The following HBP1 variants were observed in gnomAD, a reference collection of about 807,000 sequenced individuals.
HBP1 encodes HMG-box transcription factor 1.
Under a neutral mutation model 62.6 loss-of-function variants are expected in HBP1, and 20 were observed. The ratio of observed to expected loss-of-function variants is 0.32; its 90% CI spans 0.22 to 0.46. HBP1 has a LOEUF of 0.46. Among genes scored for constraint, HBP1 ranks in the 20% least tolerant of loss-of-function variants. The pLI is 1.00. For missense variants in HBP1, 480 were observed against 611.8 expected (o/e 0.78, Z 2.27); for synonymous variants, 232 against 206.2 (o/e 1.12, Z -1.07).
chr7:107,177,487 C>T (rs189911048), intron 1 of HBP1, among the ~76,000 whole-genome samples: 4 of 152,236 alleles, frequency 2.6e-5, no homozygotes, highest in East Asian at 1.9e-4. Context: ...GTGTCAAGAA[C>T]GCTGTATCTA....
At chr7:107,197,597 T>C (rs1797984007) in intron 9 of HBP1, among the ~76,000 whole-genome samples, 3 of 152,210 alleles carry the variant, frequency 2.0e-5, no homozygotes, top group Admixed American at 6.5e-5. Flanking sequence ...CTCAAACTCC[T>C]GAGCTCAAGT....
Position 107,182,532 on chromosome 7 carries a change from G to C in HBP1, c.329G>C (p.Trp110Ser), listed in dbSNP as rs1797159583. Residue 110 changes from tryptophan to serine, a missense_variant, in exon 3 of 11, where the codon TGG (tryptophan) becomes TCG (serine). Trp to Ser is a radical substitution (Grantham distance 177). Around this residue, in one of 4 missense-constraint regions of HBP1, gnomAD observed 304 missense variants for 330.9 expected, o/e 0.92. Transcript: ENST00000222574. ...ETTYRENEVD[W>S]LTELANIATS... The stretch of plus-strand genomic sequence containing the variant: ...ACTTACCGTGAAAATGAGGTGGACT[G>C]GCTAACAGAATTGGCAAATATCGCG... The C allele has an allele frequency of 6.2e-7, 1 of 1,613,626 alleles. No homozygotes were observed. Among genetic ancestry groups the C allele is most frequent in the Non-Finnish European group, 8.5e-7 (1 of 1,179,678 alleles).
intron 3 of HBP1, among the ~76,000 whole-genome samples, chr7:107,183,836 C>G (rs1422219130): frequency 6.6e-6 from 1 of 152,166 alleles, no homozygotes; most frequent in Non-Finnish European, 1.5e-5. Flanking sequence ...GAGTAATGCT[C>G]TGTTGTCTGG....
At chr7:107,201,389 ACT>A (rs1268395186) in intron 10 of HBP1, 23 bp from the exon 11 acceptor site, 1 of 1,495,620 alleles carries the variant, frequency 6.7e-7, no homozygotes, top group Non-Finnish European at 9.3e-7. Flanking sequence ...GTAAACATTC[ACT>A]GAGTTTAATT....
At chr7:107,194,134 C>G (rs1310060290) in intron 8 of HBP1, among the ~76,000 whole-genome samples, 1 of 152,138 alleles carries the variant, frequency 6.6e-6, no homozygotes, top group South Asian at 2.1e-4. Context: ...TTTAAAGATA[C>G]TCTATGTCAT....
In HBP1 at chr7:107,186,675, TCAC is replaced by T. The variant is rs1797391141; in HGVS notation, c.760_762del (p.His254del). Reference sequence around the variant, plus strand: ...ATGAGGAAGATCTTCAAATGGGCATTCACAAGGTTGATTTAAAATTCTTAAAAA... The same window carrying T: ...ATGAGGAAGATCTTCAAATGGGCATTAAGGTTGATTTAAAATTCTTAAAAA... On this transcript the variant is annotated inframe_deletion, in exon 6 of 11. Coordinates refer to ENST00000222574, the MANE Select transcript of HBP1 (RefSeq NM_012257.4). The T allele has an allele frequency of 6.4e-7, 1 of 1,570,598 alleles. No homozygotes were observed. The highest frequency in any genetic ancestry group is 8.7e-7 in the Non-Finnish European group (1 of 1,150,006).
chr7:107,196,044 G>T lies in HBP1; in HGVS notation c.1278G>T (p.Val426=). The change falls in exon 9 of 11, where the codon GTG becomes GTT. Residue 426 remains valine (V), a synonymous_variant. Transcript: ENST00000222574. The part of the protein sequence containing the change: ...KAVKNHSSGT[V]SATSPNKCKR... The stretch of plus-strand genomic sequence containing the variant: ...TCAAAAACCACAGCTCAGGGACTGT[G>T]AGTGCCACTTCTCCTAATAAGTGCA... The T allele has an allele frequency of 6.2e-7, 1 of 1,613,758 alleles. No homozygotes were observed. Among genetic ancestry groups the T allele is most frequent in the African/African-American group, 1.3e-5 (1 of 75,018 alleles).
At chr7:107,177,832 TA>T (rs1431967849) in intron 1 of HBP1, among the ~76,000 whole-genome samples, 3 of 152,214 alleles carry the variant, frequency 2.0e-5, no homozygotes, top group Non-Finnish European at 4.4e-5. Flanking sequence ...GGGTTAGAAG[TA>T]ATCATATTCC....
chr7:107,189,211 A>G, intron 6 of HBP1, 81 bp from the exon 7 acceptor site: 1 of 1,191,694 alleles, frequency 8.4e-7, no homozygotes, highest in Non-Finnish European at 1.2e-6. Context: ...CCTTTTCCAC[A>G]AAGTCTTACA....
chr7:107,176,987 C>T (rs1401887845), intron 1 of HBP1, among the ~76,000 whole-genome samples: 1 of 152,138 alleles, frequency 6.6e-6, no homozygotes, highest in Non-Finnish European at 1.5e-5. Context: ...GTCATAATAT[C>T]TCCTAGGGAG....
intron 6 of HBP1, among the ~76,000 whole-genome samples, chr7:107,187,467 C>A (rs1230700084): frequency 6.6e-6 from 1 of 152,134 alleles, no homozygotes. Context: ...AAAGTTGACA[C>A]CTTTCACTTT....
rs10245000 is a variant in HBP1 at position 107,193,508 on chromosome 7, T to C, written c.1068-2326T>C. 3.2e-3 allele frequency among the ~76,000 whole-genome samples: 491 copies of C among 152,336 alleles called. 2 individuals are homozygous for C. Among genetic ancestry groups the C allele is most frequent in the African/African-American group, 0.011 (458 of 41,590 alleles). Reference sequence around the variant, plus strand: ...GCCCTGTGTCTTATGTTTATTGTTCTTTTTGGCACCACTGCATAGCATAGA... The same window carrying C: ...GCCCTGTGTCTTATGTTTATTGTTCCTTTTGGCACCACTGCATAGCATAGA... On this transcript the variant is annotated intron_variant, in intron 8 of 10. Transcript: ENST00000222574.
chr7:107,200,469 T>C (rs1384288499), intron 10 of HBP1, 168 bp downstream of exon 10: 2 of 456,744 alleles, frequency 4.4e-6, no homozygotes, highest in Non-Finnish European at 7.6e-6. Flanking sequence ...AAAGACTGCC[T>C]TTCCTCAAGG....
chr7:107,172,864 T>C (rs1796666863), intron 1 of HBP1, among the ~76,000 whole-genome samples: 1 of 152,136 alleles, frequency 6.6e-6, no homozygotes. Flanking sequence ...AGTGCTGGCA[T>C]TGCAGGCCTG....
intron 3 of HBP1, among the ~76,000 whole-genome samples, chr7:107,183,675 T>G (rs1461121119): frequency 6.6e-6 from 1 of 152,170 alleles, no homozygotes; most frequent in East Asian, 1.9e-4. Context: ...GAGATACTTT[T>G]TTTTCACTTT....
chr7:107,189,979 T>A, intron 7 of HBP1, 194 bp from the exon 8 acceptor site: 1 of 441,366 alleles, frequency 2.3e-6, no homozygotes, highest in Non-Finnish European at 4.0e-6. Flanking sequence ...TAAGCTAGTT[T>A]TGGAGGGCTT....
intron 1 of HBP1, 82 bp from the exon 2 acceptor site, chr7:107,179,797 A>G: frequency 1.2e-6 from 1 of 836,838 alleles, no homozygotes; most frequent in Non-Finnish European, 1.9e-6. Flanking sequence ...CAACATTGTC[A>G]TGTCTCTGAT....
At chr7:107,169,291 G>A (rs1796430024) in intron 1 of HBP1, 106 bp downstream of exon 1, 2 of 575,442 alleles carry the variant, frequency 3.5e-6, no homozygotes, top group East Asian at 1.0e-4. Context: ...CCTTCTTCTC[G>A]GAGGGTTGCC....
intron 4 of HBP1, 24 bp from the exon 5 acceptor site, chr7:107,186,337 A>G (rs1562893039): frequency 1.5e-6 from 2 of 1,345,330 alleles, no homozygotes; most frequent in South Asian, 2.4e-5. Context: ...CAAATAAAAA[A>G]GTTGATAATA....
Sources: gnomAD v4.1 joint callset for allele counts (sites outside exome capture counted in the v4.1 genomes callset) on GRCh38, gnomAD v4.1.1 for gene constraint, gnomAD v4.1.1 regional missense constraint, MANE v1.5 for transcripts, NCBI Gene and HGNC (gene_info 2026-07-23, HGNC 2026-07-21) for gene names.